Variants in NAALADL2 observed in about 807,000 individuals in gnomAD.
NAALADL2 encodes N-acetylated alpha-linked acidic dipeptidase like 2.
NAALADL2 carries 76 observed loss-of-function variants against 87.2 expected under a neutral mutation model. That is an observed-to-expected ratio of 0.87 (90% CI 0.72 to 1.05). The LOEUF is 1.05. Ranked by LOEUF, NAALADL2 falls within the 50% of genes least tolerant of loss-of-function variation. NAALADL2 has a pLI of 0.00. For synonymous variants in NAALADL2, 354 were observed against 331.0 expected, an observed-to-expected ratio of 1.07 and a Z score of -0.75; for missense variants, 1,089 against 945.8, an observed-to-expected ratio of 1.15 and a Z score of -1.99.
intron 4 of NAALADL2, among the ~76,000 whole-genome samples, chr3:175,309,121 A>C (rs1758041373): frequency 6.6e-6 from 1 of 152,232 alleles, no homozygotes; most frequent in Non-Finnish European, 1.5e-5. Flanking sequence ...AATGAAGAAA[A>C]ATGAATAATA....
chr3:175,693,521 A>G (rs1256402438), intron 11 of NAALADL2, among the ~76,000 whole-genome samples: 1 of 152,130 alleles, frequency 6.6e-6, no homozygotes, highest in Non-Finnish European at 1.5e-5. Flanking sequence ...TTTTTACTAC[A>G]TGCTGGGCAG....
chr3:175,775,923 A>C (rs2150194664), intron 13 of NAALADL2, among the ~76,000 whole-genome samples: 1 of 152,290 alleles, frequency 6.6e-6, no homozygotes, highest in South Asian at 2.1e-4. Flanking sequence ...AAAGTATTTT[A>C]ACTGAGCCAG....
intron 1 of NAALADL2, among the ~76,000 whole-genome samples, chr3:175,060,874 C>T (rs562247806): frequency 3.3e-4 from 50 of 152,188 alleles, no homozygotes; most frequent in South Asian, 2.5e-3. Flanking sequence ...ATGGAGAAAT[C>T]CCATCTCTAC....
intron 2 of NAALADL2, among the ~76,000 whole-genome samples, chr3:175,103,098 C>G (rs1722503044): frequency 8.5e-6 from 1 of 117,830 alleles, no homozygotes; most frequent in Non-Finnish European, 1.7e-5. Context: ...CAGAGCGAGA[C>G]TCCGTCTCAA....
At chr3:175,023,111 A>C (rs1751769951) in intron 1 of NAALADL2, among the ~76,000 whole-genome samples, 1 of 152,032 alleles carries the variant, frequency 6.6e-6, no homozygotes, top group African/African-American at 2.4e-5. Context: ...ATGTCAAAAT[A>C]TTTTCAAGGT....
chr3:175,512,008 G>T (rs998446287), intron 9 of NAALADL2, among the ~76,000 whole-genome samples: 1 of 152,162 alleles, frequency 6.6e-6, no homozygotes, highest in Admixed American at 6.5e-5. Context: ...TTGGGAGGCT[G>T]AGGTAGAGGA....
chr3:174,514,715 T>C (rs1173770412), intron 1 of NAALADL2, among the ~76,000 whole-genome samples: 1 of 152,192 alleles, frequency 6.6e-6, no homozygotes, highest in Non-Finnish European at 1.5e-5. Flanking sequence ...TAAATTTTTT[T>C]CTATTTTTCT....
At position 174,557,999 on chromosome 3, in the gene NAALADL2, G is replaced by A. The variant is rs534372058; in HGVS notation, c.-115+7362G>A. Among the ~76,000 whole-genome samples, 5 of 152,250 alleles carry A rather than the reference G, an allele frequency of 3.3e-5. No individual in the cohort carries two copies. The South Asian group carries it at 6.2e-4, about 19-fold the overall frequency. ...CACCCAAGATTTTTACTGGGGAGTG[G>A]TCAGGGAGGCACCCTCTGCCTGGCA... is the stretch of plus-strand genomic sequence containing the variant. On this transcript the variant is annotated intron_variant, in intron 2 of 3. Coordinates refer to the NAALADL2 transcript ENST00000434257.
chr3:175,179,230 G>A (rs1736118782), intron 2 of NAALADL2, among the ~76,000 whole-genome samples: 1 of 151,960 alleles, frequency 6.6e-6, no homozygotes, highest in Non-Finnish European at 1.5e-5. Flanking sequence ...GCTATAGAGT[G>A]TGACCTCTTA....
chr3:174,680,403 C>T (rs1217079889), intron 2 of NAALADL2, among the ~76,000 whole-genome samples: 1 of 152,146 alleles, frequency 6.6e-6, no homozygotes, highest in Non-Finnish European at 1.5e-5. Flanking sequence ...TGTTTCATTC[C>T]TCAAGCATGT....
intron 1 of NAALADL2, among the ~76,000 whole-genome samples, chr3:174,922,025 A>G (rs1484909606): frequency 6.6e-6 from 1 of 152,008 alleles, no homozygotes; most frequent in African/African-American, 2.4e-5. Context: ...GTTATTAATA[A>G]TATAAACTAT....
intron 5 of NAALADL2, among the ~76,000 whole-genome samples, chr3:175,443,720 T>A (rs953682395): frequency 4.6e-5 from 7 of 152,238 alleles, no homozygotes; most frequent in Admixed American, 3.9e-4. Flanking sequence ...GTTATGTACC[T>A]GACAAGGTGC....
intron 5 of NAALADL2, among the ~76,000 whole-genome samples, chr3:175,347,101 G>A (rs1763233941): frequency 6.6e-6 from 1 of 152,112 alleles, no homozygotes; most frequent in South Asian, 2.1e-4. Context: ...ATTACATTGG[G>A]CTGCCTTCCA....
In NAALADL2 at chr3:175,077,716, A is replaced by T. The variant is rs529424059; in HGVS notation, c.44-19074A>T. 9.2e-5 allele frequency among the ~76,000 whole-genome samples: 14 copies of T among 152,246 alleles called. No individual in the cohort carries two copies. In the East Asian group the frequency reaches 2.3e-3, roughly 25 times the overall value. On this transcript the variant is annotated intron_variant, in intron 1 of 13. Coordinates refer to ENST00000454872, the MANE Select transcript of NAALADL2 (RefSeq NM_207015.3). Reference sequence around the variant, plus strand: ...TACTAATAGAGGCAGCTGCTCTTTTAAAAAAATTGCTTGTGGTTCTGATAT... The same window carrying T: ...TACTAATAGAGGCAGCTGCTCTTTTTAAAAAATTGCTTGTGGTTCTGATAT...
At chr3:174,525,672 A>T (rs932605418) in intron 1 of NAALADL2, among the ~76,000 whole-genome samples, 7 of 152,214 alleles carry the variant, frequency 4.6e-5, no homozygotes, top group African/African-American at 1.7e-4. Context: ...GTTTTTAGAT[A>T]ATCCATAAAT....
intron 5 of NAALADL2, among the ~76,000 whole-genome samples, chr3:175,332,574 T>C (rs932811907): frequency 6.6e-6 from 1 of 152,194 alleles, no homozygotes; most frequent in Non-Finnish European, 1.5e-5. Flanking sequence ...ATGCTGAGAT[T>C]GTAGTTGTGA....
In NAALADL2 at chr3:174,804,317, G is replaced by T. The variant is rs551000083; in HGVS notation, c.-9+66571G>T. ...CTTGTGATTTTTGCACATTGATTTT[G>T]TATCCTGAGACTTTGCTGAAGTTGC... On this transcript the variant is annotated intron_variant, in intron 3 of 3. Coordinates refer to the NAALADL2 transcript ENST00000434257. Among the ~76,000 whole-genome samples, 9 of 152,254 alleles carry T rather than the reference G, an allele frequency of 5.9e-5. No homozygotes were observed. The East Asian group carries it at 1.2e-3, about 20-fold the overall frequency.
At chr3:174,500,859 A>AC (rs569370743) in intron 1 of NAALADL2, among the ~76,000 whole-genome samples, 3 of 143,496 alleles carry the variant, frequency 2.1e-5, no homozygotes, top group Non-Finnish European at 3.0e-5. Flanking sequence ...CCATTGGATA[A>AC]TTTTTTTTTT....
intron 1 of NAALADL2, among the ~76,000 whole-genome samples, chr3:174,522,827 G>C (rs1720399278): frequency 6.6e-6 from 1 of 151,174 alleles, no homozygotes; most frequent in South Asian, 2.1e-4. Flanking sequence ...CCAGCTACTC[G>C]GGAGGCTGAG....
Sources: gnomAD v4.1 joint callset for allele counts (sites outside exome capture counted in the v4.1 genomes callset) on GRCh38, gnomAD v4.1.1 for gene constraint, MANE v1.5 for transcripts, NCBI Gene and HGNC (gene_info 2026-07-23, HGNC 2026-07-21) for gene names.